Variants in DNAH12 observed in about 807,000 individuals in gnomAD.
DNAH12 encodes dynein axonemal heavy chain 12.
In DNAH12, 285 loss-of-function variants were observed where a neutral mutation model predicts 371.5. That is an observed-to-expected ratio of 0.77 (90% CI 0.70 to 0.85). The LOEUF (loss-of-function observed/expected upper bound fraction) is 0.85, where lower values mean the gene tolerates loss of function less well. DNAH12 is among the 40% of genes least tolerant of loss of function. DNAH12 has a pLI of 0.00. For missense variants in DNAH12, 3,611 were observed against 3,689.4 expected (o/e 0.98, Z 0.55); for synonymous variants, 1,200 against 1,213.0 (o/e 0.99, Z 0.22).
intron 2 of DNAH12, among the ~76,000 whole-genome samples, chr3:57,532,897 CA>C: frequency 6.6e-6 from 1 of 152,222 alleles, no homozygotes; most frequent in Non-Finnish European, 1.5e-5. Context: ...TGAAGCAAGA[CA>C]GGCTTCTGTC....
intron 11 of DNAH12, 80 bp downstream of exon 11, chr3:57,501,241 C>G (rs1055362413): frequency 2.0e-6 from 2 of 981,256 alleles, no homozygotes; most frequent in Non-Finnish European, 1.5e-6. Flanking sequence ...TCTATTTAAG[C>G]ATTTACTTTT....
rs139161020 is a variant in DNAH12 at position 57,405,653 on chromosome 3, T to C, written c.6576A>G (p.Pro2192=). The C allele has an allele frequency of 7.7e-6, 12 of 1,550,102 alleles. No homozygotes were observed. The African/African-American group carries it at 1.6e-4, about 21-fold the overall frequency. Residue 2192 remains proline (P), a splice_region_variant and synonymous_variant, in exon 41 of 74, where the codon CCA becomes CCG. Transcript: ENST00000495027. Reference sequence around the variant, plus strand: ...ATATGTTCTTAATCGCCATACTCACTGGTGCATTTTGTTTCCTCAAATGTG... The same window carrying C: ...ATATGTTCTTAATCGCCATACTCACCGGTGCATTTTGTTTCCTCAAATGTG... ...IFSHLRKQNA[P]VTEEDLRNLM... is the part of the protein sequence containing the mutation.
At chr3:57,425,739 G>T (rs185874188) in intron 34 of DNAH12, among the ~76,000 whole-genome samples, 1 of 152,122 alleles carries the variant, frequency 6.6e-6, no homozygotes, top group African/African-American at 2.4e-5. Flanking sequence ...TACTGCAAGA[G>T]AATAAACAGT....
rs575256009 is a variant in DNAH12 at position 57,344,306 on chromosome 3, A to G, written c.9674+7779T>C. On this transcript the variant is annotated intron_variant, in intron 60 of 73. Coordinates refer to ENST00000495027, the MANE Select transcript of DNAH12 (RefSeq NM_001366028.2). ...CCAAAAAATACAAATGCTGGTGAGG[A>G]TGCAGAGAAAAGGGAACTCTTATGC... is the stretch of plus-strand genomic sequence containing the variant. Among the ~76,000 whole-genome samples the G allele has an allele frequency of 3.0e-3, 363 of 122,574 alleles. 1 individual carries two copies. The highest frequency in any genetic ancestry group is 0.011 in the African/African-American group (353 of 33,226). 80.4% of individuals were successfully genotyped at this position (122,574 alleles called of 152,430 possible). A position where few individuals can be genotyped will look rare whatever the true frequency, so the allele number is the denominator to read the frequency against.
chr3:57,334,402 AAGCCT>A (rs2062175358), intron 62 of DNAH12, 58 bp downstream of exon 62: 10 of 1,448,380 alleles, frequency 6.9e-6, no homozygotes, highest in Non-Finnish European at 9.1e-6. Context: ...CAAGAACTTT[AAGCCT>A]AGCACTTCAT....
At chr3:57,514,281 C>A (rs2068104053) in intron 4 of DNAH12, among the ~76,000 whole-genome samples, 1 of 151,572 alleles carries the variant, frequency 6.6e-6, no homozygotes, top group African/African-American at 2.4e-5. Context: ...GTAATTCCAG[C>A]TACTTGGGAG....
At chr3:57,532,543 G>A (rs556779569) in intron 2 of DNAH12, among the ~76,000 whole-genome samples, 1 of 152,284 alleles carries the variant, frequency 6.6e-6, no homozygotes, top group South Asian at 2.1e-4. Context: ...CTGCATTAGG[G>A]GGCACCCCAA....
chr3:57,448,572 G>T (rs927770274), intron 25 of DNAH12, among the ~76,000 whole-genome samples: 1 of 152,182 alleles, frequency 6.6e-6, no homozygotes, highest in African/African-American at 2.4e-5. Context: ...ATTGCAAAAA[G>T]CAAAAGAACA....
At chr3:57,369,702 G>A (rs2063129959) in intron 55 of DNAH12, among the ~76,000 whole-genome samples, 3 of 152,102 alleles carry the variant, frequency 2.0e-5, no homozygotes, top group Admixed American at 2.0e-4. Flanking sequence ...AGTTAGACTA[G>A]TAAATGCTTT....
At chr3:57,535,628 C>T (rs545990112) in intron 2 of DNAH12, among the ~76,000 whole-genome samples, 50 of 152,210 alleles carry the variant, frequency 3.3e-4, no homozygotes, top group South Asian at 8.3e-4. Flanking sequence ...CCACAACCTC[C>T]GCCTCCCGGG....
At chr3:57,429,659 C>A in intron 33 of DNAH12, 32 bp downstream of exon 33, 1 of 1,500,296 alleles carries the variant, frequency 6.7e-7, no homozygotes, top group Non-Finnish European at 8.9e-7. Flanking sequence ...AAGAAATGAA[C>A]AAACCACCAT....
chr3:57,433,366 C>T lies in DNAH12; in HGVS notation c.4980+1G>A. 1 of 1,548,252 alleles carries T rather than the reference C, an allele frequency of 6.5e-7. No homozygotes were observed. The highest frequency in any genetic ancestry group is 1.7e-4 in the Middle Eastern group (1 of 5,974). ...CTGCTTCTCTTTTGATCATGATTTA[C>T]CTTTTTATTATCATCCAATACTGTG... On this transcript the variant is annotated splice_donor_variant, in intron 32 of 73. Coordinates refer to ENST00000495027, the MANE Select transcript of DNAH12 (RefSeq NM_001366028.2). LOFTEE classifies it high-confidence loss of function.
intron 49 of DNAH12, among the ~76,000 whole-genome samples, chr3:57,383,761 A>T (rs1428452891): frequency 1.2e-3 from 141 of 114,668 alleles, no homozygotes; most frequent in Middle Eastern, 5.2e-3. Flanking sequence ...CCCTGTCTTA[A>T]AAAAAAAAAA....
At chr3:57,326,763 GC>G (rs1384432164) in intron 62 of DNAH12, among the ~76,000 whole-genome samples, 1 of 152,132 alleles carries the variant, frequency 6.6e-6, no homozygotes, top group Non-Finnish European at 1.5e-5. Context: ...ACACAGACTG[GC>G]AAATTGGATA....
chr3:57,415,683 A>T (rs2064351027), intron 37 of DNAH12, 119 bp from the exon 38 acceptor site: 6 of 946,952 alleles, frequency 6.3e-6, no homozygotes, highest in Middle Eastern at 3.5e-4. Context: ...TTAAAAACTC[A>T]TTTTTACCTA....
chr3:57,297,156 C>T, intron 70 of DNAH12, 172 bp from the exon 71 acceptor site: 1 of 610,782 alleles, frequency 1.6e-6, no homozygotes, highest in South Asian at 2.3e-5. Flanking sequence ...CCTCTTTCCC[C>T]TTCTACTCTT....
intron 37 of DNAH12, among the ~76,000 whole-genome samples, chr3:57,418,616 G>A (rs2064466123): frequency 1.3e-5 from 2 of 151,004 alleles, no homozygotes; most frequent in South Asian, 4.2e-4. Flanking sequence ...GCTTCTAAAT[G>A]CAAAAATGCA....
intron 4 of DNAH12, among the ~76,000 whole-genome samples, chr3:57,517,570 G>GA (rs920874991): frequency 2.0e-5 from 3 of 151,294 alleles, no homozygotes; most frequent in Admixed American, 6.6e-5. Flanking sequence ...TTTTGTTGCA[G>GA]AAAAAAAGAA....
At chr3:57,336,094 G>A (rs1202186647) in intron 60 of DNAH12, among the ~76,000 whole-genome samples, 1 of 152,138 alleles carries the variant, frequency 6.6e-6, no homozygotes, top group Non-Finnish European at 1.5e-5. Context: ...TAATCCTCCT[G>A]ACTTAGCCTT....
Sources: allele counts gnomAD v4.1 joint callset (sites outside exome capture counted in the v4.1 genomes callset), GRCh38; gene constraint gnomAD v4.1.1; transcripts MANE v1.5; gene names NCBI Gene and HGNC (gene_info 2026-07-23, HGNC 2026-07-21).